Variants in DNAH5 observed in about 807,000 individuals in gnomAD.
DNAH5 encodes dynein axonemal heavy chain 5.
Under a neutral mutation model 518.2 loss-of-function variants are expected in DNAH5, and 372 were observed. The ratio of observed to expected loss-of-function variants is 0.72; its 90% CI spans 0.66 to 0.78. The LOEUF (loss-of-function observed/expected upper bound fraction) is 0.78, where lower values mean the gene tolerates loss of function less well. Ranked by LOEUF, DNAH5 falls within the 30% of genes least tolerant of loss-of-function variation. The pLI is 0.00. For missense variants in DNAH5, 5,523 were observed against 5,687.0 expected, an observed-to-expected ratio of 0.97 and a Z score of 0.93; for synonymous variants, 2,039 against 2,025.9, an observed-to-expected ratio of 1.01 and a Z score of -0.17.
chr5:13,945,331 CAGTCCAGCAACTCAAATCCTAAA>C (rs1020173118), upstream of DNAH5, among the ~76,000 whole-genome samples: 16 of 152,198 alleles, frequency 1.1e-4, no homozygotes, highest in African/African-American at 3.6e-4. Flanking sequence ...TTGGAATTCA[CAGTCCAGCAACTCAAATCCTAAA>C]AGGTCATCCA....
At chr5:13,922,974 T>C (rs1384713463) in intron 4 of DNAH5, among the ~76,000 whole-genome samples, 1 of 152,052 alleles carries the variant, frequency 6.6e-6, no homozygotes, top group African/African-American at 2.4e-5. Context: ...CTTAAATGTA[T>C]AAAATTTGCC....
At chr5:13,725,374 C>G (rs1208313074) in intron 70 of DNAH5, among the ~76,000 whole-genome samples, 1 of 152,164 alleles carries the variant, frequency 6.6e-6, no homozygotes, top group Non-Finnish European at 1.5e-5. Context: ...TGCAGAGACC[C>G]TGAAGGAGCA....
chr5:13,826,343 A>T (rs746393327), intron 38 of DNAH5, among the ~76,000 whole-genome samples: 1 of 152,172 alleles, frequency 6.6e-6, no homozygotes, highest in Non-Finnish European at 1.5e-5. Context: ...GCATGGAAAA[A>T]ATATTTATTT....
Position 13,859,434 on chromosome 5 carries a change from TA to T in DNAH5, c.4950+17del, listed in dbSNP as rs1452657014. ...TTCTCTGAAAAATCTGATGAAATCATAAAGAAGATTACAAAACCTTGGGCAG... is the reference window on the plus strand; with the variant it reads ...TTCTCTGAAAAATCTGATGAAATCATAAGAAGATTACAAAACCTTGGGCAG... On this transcript the variant is annotated intron_variant, in intron 30 of 78. Coordinates refer to ENST00000265104, the MANE Select transcript of DNAH5 (RefSeq NM_001369.3). 1.2e-5 allele frequency: 19 copies of T among 1,613,728 alleles called. No individual in the cohort carries two copies. Among genetic ancestry groups the T allele is most frequent in the Non-Finnish European group, 1.5e-5 (18 of 1,179,802 alleles).
chr5:13,938,178 A>G (rs1170043061), intron 1 of DNAH5, among the ~76,000 whole-genome samples: 1 of 152,160 alleles, frequency 6.6e-6, no homozygotes, highest in African/African-American at 2.4e-5. Context: ...AACCATCAAC[A>G]TCATCTGCTC....
chr5:13,861,858 C>T (rs6898791), intron 29 of DNAH5, among the ~76,000 whole-genome samples: 55,462 of 148,246 alleles, frequency 0.37, 10,457 homozygotes, highest in South Asian at 0.46. Flanking sequence ...CAGGAAGCTG[C>T]GGCAGAATCA....
At chr5:14,009,801 A>G (rs1784992392) in intron 1 of DNAH5, among the ~76,000 whole-genome samples, 1 of 152,254 alleles carries the variant, frequency 6.6e-6, no homozygotes, top group Non-Finnish European at 1.5e-5. Context: ...AACAGTGTTT[A>G]CAAAGATGTG....
intron 57 of DNAH5, 126 bp downstream of exon 57, chr5:13,769,375 G>GT (rs1415461230): frequency 1.0e-6 from 1 of 955,916 alleles, no homozygotes; most frequent in Non-Finnish European, 1.7e-6. Context: ...AAAATTAAGA[G>GT]TATTTTATTC....
At chr5:13,817,064 T>C (rs1321053508) in intron 42 of DNAH5, among the ~76,000 whole-genome samples, 1 of 151,140 alleles carries the variant, frequency 6.6e-6, no homozygotes, top group Non-Finnish European at 1.5e-5. Flanking sequence ...TGAACACCAA[T>C]GTCCATCTAC....
intron 29 of DNAH5, 45 bp from the exon 30 acceptor site, chr5:13,859,650 G>A: frequency 6.3e-7 from 1 of 1,579,066 alleles, no homozygotes; most frequent in Non-Finnish European, 8.7e-7. Context: ...TTTTTGTTGT[G>A]CTGTTGTTTC....
At chr5:13,998,374 T>C (rs559071663) in intron 1 of DNAH5, among the ~76,000 whole-genome samples, 1 of 152,324 alleles carries the variant, frequency 6.6e-6, no homozygotes, top group Admixed American at 6.5e-5. Context: ...CCCCACGTCT[T>C]AATACTATTG....
intron 74 of DNAH5, among the ~76,000 whole-genome samples, 169 bp from the exon 75 acceptor site, chr5:13,714,789 TA>T (rs1277343966): frequency 2.0e-5 from 3 of 152,274 alleles, no homozygotes; most frequent in East Asian, 1.9e-4. Context: ...AAATTTCCTT[TA>T]AAAAAACAAT....
rs1299598226 is a variant in DNAH5 at position 13,850,695 on chromosome 5, G to A, written c.5071C>T (p.His1691Tyr). 3.7e-6 allele frequency: 6 copies of A among 1,614,008 alleles called. No individual in the cohort carries two copies. The highest frequency in any genetic ancestry group is 2.5e-6 in the Non-Finnish European group (3 of 1,179,992). The change falls in exon 31 of 79, where the codon CAC (histidine) becomes TAC (tyrosine). Residue 1691 changes from histidine (H) to tyrosine (Y), a missense_variant. This residue lies in a region of DNAH5 where 5,121 missense variants were observed against 5,223.3 expected (regional missense o/e 0.98). Transcript: ENST00000265104. ...GDETLGQLLPHLLDQLEICQK... is the reference protein window; with the variant it reads ...GDETLGQLLPYLLDQLEICQK... The stretch of plus-strand genomic sequence containing the variant: ...CATATTTCCAACTGGTCCAGCAAGT[G>A]TGGTAACAGCTGCCCCAGGGTCTCA...
intron 47 of DNAH5, among the ~76,000 whole-genome samples, chr5:13,798,909 G>A (rs1039970088): frequency 1.3e-5 from 2 of 151,750 alleles, no homozygotes; most frequent in South Asian, 2.1e-4. Context: ...GGGATTACAG[G>A]TGCACACCAC....
At chr5:13,824,788 GGAGAAAAA>G (rs1561359874) in intron 38 of DNAH5, among the ~76,000 whole-genome samples, 2 of 151,918 alleles carry the variant, frequency 1.3e-5, no homozygotes, top group African/African-American at 4.8e-5. Flanking sequence ...GGAGAATCAG[GGAGAAAAA>G]AAGCACCTGC....
At chr5:13,753,690 G>A (rs1039068675) in intron 62 of DNAH5, 141 bp from the exon 63 acceptor site, 13 of 796,364 alleles carry the variant, frequency 1.6e-5, no homozygotes, top group African/African-American at 1.0e-4. Flanking sequence ...ACAAGTGGCT[G>A]TGCTGGTGAA....
At chr5:13,894,464 T>C (rs1773656852) in intron 16 of DNAH5, among the ~76,000 whole-genome samples, 186 bp downstream of exon 16, 1 of 152,236 alleles carries the variant, frequency 6.6e-6, no homozygotes. Flanking sequence ...AATTAAATAG[T>C]GAATATTTAT....
chr5:13,703,411 A>G (rs1394045335), intron 76 of DNAH5, among the ~76,000 whole-genome samples: 2 of 145,670 alleles, frequency 1.4e-5, no homozygotes, highest in Non-Finnish European at 3.1e-5. Flanking sequence ...AAGTTAGCCC[A>G]TAAGAGACAT....
At chr5:13,692,203 C>G in intron 78 of DNAH5, 68 bp from the exon 79 acceptor site, 17 of 1,523,548 alleles carry the variant, frequency 1.1e-5, no homozygotes, top group Non-Finnish European at 1.5e-5. Context: ...GAATGCAGAG[C>G]CATGCTTCTG....
Sources: gnomAD v4.1 joint callset for allele counts (sites outside exome capture counted in the v4.1 genomes callset) on GRCh38, gnomAD v4.1.1 for gene constraint, gnomAD v4.1.1 regional missense constraint, MANE v1.5 for transcripts, NCBI Gene and HGNC (gene_info 2026-07-23, HGNC 2026-07-21) for gene names.